The following RASAL2 variants were observed in gnomAD, a reference collection of about 807,000 sequenced individuals.
The protein encoded by RASAL2 is RAS protein activator like 2.
In RASAL2, 58 loss-of-function variants were observed where a neutral mutation model predicts 128.9. The ratio of observed to expected loss-of-function variants is 0.45; its 90% confidence interval spans 0.36 to 0.56. The LOEUF (loss-of-function observed/expected upper bound fraction) is 0.56. Ranked by LOEUF, RASAL2 falls within the 20% of genes least tolerant of loss-of-function variation. The pLI is 0.00. For synonymous variants in RASAL2, 561 were observed against 580.8 expected, an observed-to-expected ratio of 0.97 and a Z score of 0.49; for missense variants, 1,360 against 1,601.6, an observed-to-expected ratio of 0.85 and a Z score of 2.57.
At chr1:178,437,419 G>A (rs1345597319) in intron 5 of RASAL2, among the ~76,000 whole-genome samples, 1 of 152,090 alleles carries the variant, frequency 6.6e-6, no homozygotes, top group East Asian at 1.9e-4. Flanking sequence ...ATGTGGCACC[G>A]CTATGATTTG....
intron 2 of RASAL2, among the ~76,000 whole-genome samples, chr1:178,291,916 C>T (rs557238451): frequency 3.9e-4 from 59 of 151,662 alleles, no homozygotes; most frequent in Non-Finnish European, 8.0e-4. Flanking sequence ...GTGCCTGTAA[C>T]CCCAGCTACT....
chr1:178,450,487 C>T (rs867157892), intron 9 of RASAL2, among the ~76,000 whole-genome samples: 5 of 152,196 alleles, frequency 3.3e-5, no homozygotes, highest in Non-Finnish European at 5.9e-5. Context: ...TCAAAATTAT[C>T]GCTTCTCATC....
chr1:178,234,885 G>A (rs1278271174), intron 1 of RASAL2, among the ~76,000 whole-genome samples: 1 of 152,152 alleles, frequency 6.6e-6, no homozygotes, highest in African/African-American at 2.4e-5. Flanking sequence ...GAATGCTAAT[G>A]AGATCATTTC....
chr1:178,187,172 C>T lies in RASAL2; in HGVS notation c.202+92478C>T, dbSNP rs1662331982. On this transcript the variant is annotated intron_variant, in intron 1 of 17. Coordinates refer to ENST00000367649, the MANE Select transcript of RASAL2 (RefSeq NM_170692.4). ...GTTTCTCCTCCCTTTCTATTTTTTT[C>T]ACCAGGGATTCCTTGATAACCTCCA... 2.0e-5 allele frequency among the ~76,000 whole-genome samples: 3 copies of T among 151,934 alleles called. No homozygotes were observed. In the South Asian group the frequency reaches 6.2e-4, roughly 32 times the overall value.
At position 178,474,659 on chromosome 1, in the gene RASAL2, G is replaced by T. The variant is rs1176518412; in HGVS notation, c.*1420G>T. On this transcript the variant is annotated 3_prime_UTR_variant, in exon 18 of 18. Transcript: ENST00000367649. ...AACCTTGATTACCAGAAGTATGGAA[G>T]GTTACATGTTAAACAGACATTATAT... 2 of 151,466 alleles carry T rather than the reference G, an allele frequency of 1.3e-5. No homozygotes were observed. The highest frequency in any genetic ancestry group is 4.9e-5 in the African/African-American group (2 of 41,232). The allele number at this position is 151,466 out of a possible 1,614,324, so 9.4% of individuals were successfully genotyped here.
intron 5 of RASAL2, among the ~76,000 whole-genome samples, chr1:178,438,879 C>CTGTGTGTG (rs1491466580): frequency 1.3e-5 from 1 of 78,100 alleles, no homozygotes; most frequent in Non-Finnish European, 2.5e-5. Flanking sequence ...TGAGCTTCGA[C>CTGTGTGTG]TCTGTGTGTG....
chr1:178,424,694 T>TC (rs1305472997), intron 5 of RASAL2, among the ~76,000 whole-genome samples: 1 of 152,100 alleles, frequency 6.6e-6, no homozygotes. Flanking sequence ...ACTCCTGGGC[T>TC]CAAGTGATTT....
chr1:178,143,010 G>A (rs1158325586), intron 1 of RASAL2, among the ~76,000 whole-genome samples: 2 of 151,792 alleles, frequency 1.3e-5, no homozygotes, highest in African/African-American at 4.8e-5. Flanking sequence ...TATTTCTTTG[G>A]CACGCTTCAC....
intron 1 of RASAL2, among the ~76,000 whole-genome samples, chr1:178,232,626 C>CT (rs1288891933): frequency 6.6e-6 from 1 of 151,982 alleles, no homozygotes; most frequent in Non-Finnish European, 1.5e-5. Context: ...TTTCTTTTGG[C>CT]TTTTTTCCTC....
chr1:178,101,962 A>T (rs1408196294), intron 1 of RASAL2, among the ~76,000 whole-genome samples: 1 of 152,202 alleles, frequency 6.6e-6, no homozygotes, highest in Admixed American at 6.5e-5. Flanking sequence ...ACATCCATAA[A>T]GTAGGAGGAT....
At chr1:178,230,684 C>G (rs1301789507) in intron 1 of RASAL2, among the ~76,000 whole-genome samples, 1 of 152,014 alleles carries the variant, frequency 6.6e-6, no homozygotes, top group African/African-American at 2.4e-5. Flanking sequence ...AGTTTTAGAG[C>G]AGGAGTGAAA....
At chr1:178,131,021 TC>T (rs34501333) in intron 1 of RASAL2, among the ~76,000 whole-genome samples, 144,197 of 151,038 alleles carry the variant, frequency 0.95, 69,177 homozygotes, top group East Asian at 1. Flanking sequence ...ACCACTGCAG[TC>T]CCAGCCTGGG....
intron 1 of RASAL2, among the ~76,000 whole-genome samples, chr1:178,151,516 C>T (rs193226656): frequency 4.6e-5 from 7 of 152,324 alleles, no homozygotes; most frequent in Admixed American, 4.6e-4. Flanking sequence ...AGGAACCTAA[C>T]CTTGTATTTC....
At position 178,452,602 on chromosome 1, in the gene RASAL2, G is replaced by A. The variant is rs747542632; in HGVS notation, c.1959G>A (p.Arg653=). ...MQEYPDDRTS[R]TLTLIAKVIQ... is the part of the protein sequence containing the mutation. ...AGTATCCTGATGACCGCACATCTCG[G>A]ACTCTAACTCTTATTGCCAAGGTCA... Residue 653 remains arginine (R), a synonymous_variant, in exon 11 of 18, where the codon CGG becomes CGA. Coordinates refer to ENST00000367649, the MANE Select transcript of RASAL2 (RefSeq NM_170692.4). The A allele has an allele frequency of 7.0e-5, 113 of 1,613,870 alleles. No individual in the cohort carries two copies. Among genetic ancestry groups the A allele is most frequent in the Middle Eastern group, 4.9e-4 (3 of 6,084 alleles).
At chr1:178,236,209 A>G (rs1165410570) in intron 1 of RASAL2, among the ~76,000 whole-genome samples, 1 of 152,172 alleles carries the variant, frequency 6.6e-6, no homozygotes, top group Non-Finnish European at 1.5e-5. Flanking sequence ...CATCAGCTAT[A>G]AAGTTGTTGG....
At chr1:178,162,395 TTA>T (rs1288744603) in intron 1 of RASAL2, among the ~76,000 whole-genome samples, 2 of 113,962 alleles carry the variant, frequency 1.8e-5, no homozygotes, top group Non-Finnish European at 3.4e-5. Flanking sequence ...ATTATATATA[TTA>T]TATATTTTAT....
intron 3 of RASAL2, among the ~76,000 whole-genome samples, chr1:178,330,271 T>C (rs1287358458): frequency 6.6e-6 from 1 of 152,204 alleles, no homozygotes; most frequent in African/African-American, 2.4e-5. Context: ...AAGTAATGTA[T>C]TATTTTGTCT....
chr1:178,331,752 A>G (rs1281086336), intron 3 of RASAL2, among the ~76,000 whole-genome samples: 4 of 151,718 alleles, frequency 2.6e-5, no homozygotes, highest in African/African-American at 7.3e-5. Flanking sequence ...ACGCCTGGCT[A>G]ATTTTTTTGT....
chr1:178,111,332 C>G (rs1428994005), intron 1 of RASAL2, among the ~76,000 whole-genome samples: 1 of 152,172 alleles, frequency 6.6e-6, no homozygotes, highest in Non-Finnish European at 1.5e-5. Context: ...TTATCTCAAA[C>G]TCCTGGGCTC....
Sources: gnomAD v4.1 joint callset for allele counts (sites outside exome capture counted in the v4.1 genomes callset) on GRCh38, gnomAD v4.1.1 for gene constraint, MANE v1.5 for transcripts, NCBI Gene and HGNC (gene_info 2026-07-23, HGNC 2026-07-21) for gene names.